Variants in POFUT3 observed in about 807,000 individuals in gnomAD.
POFUT3 encodes protein O-fucosyltransferase 3.
chr8:33,334,481 G>C, the POFUT3 span, among the ~76,000 whole-genome samples: 425 of 152,302 alleles, frequency 2.8e-3, no homozygotes, highest in Non-Finnish European at 4.0e-3. Flanking sequence ...GCCTCCTAAA[G>C]TGCTGGGATT....
the POFUT3 span, among the ~76,000 whole-genome samples, chr8:33,326,855 G>T: frequency 6.6e-6 from 1 of 152,188 alleles, no homozygotes; most frequent in Non-Finnish European, 1.5e-5. Flanking sequence ...ATAGCTCGCT[G>T]CATCCTCAAA....
the POFUT3 span, among the ~76,000 whole-genome samples, chr8:33,393,215 A>G: frequency 6.6e-6 from 1 of 152,236 alleles, no homozygotes; most frequent in Non-Finnish European, 1.5e-5. Flanking sequence ...CCTATGGTAT[A>G]TCCATAAAAA....
the POFUT3 span, among the ~76,000 whole-genome samples, chr8:33,364,349 T>G: frequency 5.9e-5 from 9 of 152,214 alleles, no homozygotes; most frequent in Non-Finnish European, 1.0e-4. Flanking sequence ...GCATTCCCTT[T>G]GAAAATGGGC....
chr8:33,460,934 C>T, the POFUT3 span, among the ~76,000 whole-genome samples: 1 of 152,154 alleles, frequency 6.6e-6, no homozygotes, highest in Non-Finnish European at 1.5e-5. Flanking sequence ...AGGCAGATCA[C>T]TTGAGATCTG....
At chr8:33,432,893 C>T in the POFUT3 span, among the ~76,000 whole-genome samples, 2 of 152,228 alleles carry the variant, frequency 1.3e-5, no homozygotes, top group East Asian at 1.9e-4. Context: ...TTGCACTGCT[C>T]CTTTAAATTT....
At chr8:33,417,669 G>A in the POFUT3 span, among the ~76,000 whole-genome samples, 1 of 152,106 alleles carries the variant, frequency 6.6e-6, no homozygotes. Flanking sequence ...AAGGAGGAGG[G>A]GTGGGGGCTT....
chr8:33,423,367 C>T, the POFUT3 span, among the ~76,000 whole-genome samples: 2 of 152,052 alleles, frequency 1.3e-5, no homozygotes, highest in African/African-American at 4.8e-5. Context: ...CTCCTGGGCT[C>T]AAGTGATCCT....
the POFUT3 span, chr8:33,361,429 T>C: frequency 6.6e-6 from 1 of 152,260 alleles, no homozygotes; most frequent in South Asian, 2.1e-4. Flanking sequence ...CCATTTAATA[T>C]ACTCTATAAA....
chr8:33,311,362 A>T, the POFUT3 span, among the ~76,000 whole-genome samples: 34 of 152,124 alleles, frequency 2.2e-4, 1 homozygote, highest in Admixed American at 1.7e-3. Context: ...TGTGGTAAAA[A>T]CTCAATAGAT....
At chr8:33,332,498 A>AG in the POFUT3 span, among the ~76,000 whole-genome samples, 16 of 150,774 alleles carry the variant, frequency 1.1e-4, no homozygotes, top group African/African-American at 3.7e-4. Flanking sequence ...GAAAAAAAAA[A>AG]AAAGAAGAAG....
the POFUT3 span, among the ~76,000 whole-genome samples, chr8:33,433,884 C>T: frequency 6.6e-6 from 1 of 151,450 alleles, no homozygotes; most frequent in Non-Finnish European, 1.5e-5. Flanking sequence ...GGGAGGATCG[C>T]TTGGGCCTAG....
chr8:33,348,706 G>C, the POFUT3 span, among the ~76,000 whole-genome samples: 1 of 152,194 alleles, frequency 6.6e-6, no homozygotes, highest in Non-Finnish European at 1.5e-5. Context: ...TTTATGTCCT[G>C]ATATTCCTGG....
the POFUT3 span, among the ~76,000 whole-genome samples, chr8:33,416,422 C>T: frequency 6.6e-6 from 1 of 151,010 alleles, no homozygotes; most frequent in Non-Finnish European, 1.5e-5. Context: ...GGCCAAAATA[C>T]AAAAATTAGC....
chr8:33,390,832 C>T, the POFUT3 span, among the ~76,000 whole-genome samples: 4 of 152,138 alleles, frequency 2.6e-5, no homozygotes, highest in Non-Finnish European at 5.9e-5. Context: ...AATTGAAAAA[C>T]CTCTGAAACA....
chr8:33,463,233 A>G, the POFUT3 span, among the ~76,000 whole-genome samples: 1 of 152,100 alleles, frequency 6.6e-6, no homozygotes, highest in African/African-American at 2.4e-5. Context: ...AGGTGGGTGC[A>G]GTGGCTCACA....
the POFUT3 span, among the ~76,000 whole-genome samples, chr8:33,432,534 G>A: frequency 6.6e-6 from 1 of 152,114 alleles, no homozygotes; most frequent in Non-Finnish European, 1.5e-5. Context: ...TGATTCACAT[G>A]TACATTTAGA....
chr8:33,336,334 C>T, the POFUT3 span, among the ~76,000 whole-genome samples: 7 of 152,086 alleles, frequency 4.6e-5, no homozygotes, highest in Non-Finnish European at 8.8e-5. Flanking sequence ...ATATATGAAA[C>T]AGAGAGAAAT....
At chr8:33,444,580 G>A in the POFUT3 span, among the ~76,000 whole-genome samples, 2 of 152,100 alleles carry the variant, frequency 1.3e-5, no homozygotes, top group Non-Finnish European at 2.9e-5. Flanking sequence ...CACTTTGGGA[G>A]GCCAAGGCAG....
chr8:33,426,857 G>A, the POFUT3 span, among the ~76,000 whole-genome samples: 1 of 152,132 alleles, frequency 6.6e-6, no homozygotes, highest in Non-Finnish European at 1.5e-5. Flanking sequence ...ACCCTCCCAG[G>A]GCCTGGGGAA....
Sources: gnomAD v4.1 joint callset for allele counts (sites outside exome capture counted in the v4.1 genomes callset) on GRCh38, gnomAD v4.1.1 for gene constraint, MANE v1.5 for transcripts, NCBI Gene and HGNC (gene_info 2026-07-23, HGNC 2026-07-21) for gene names.